LRRC4C: variants seen among roughly 807,000 people sequenced by gnomAD.
LRRC4C encodes the protein leucine rich repeat containing 4C, also known as leucine-rich repeat-containing protein 4C.
Under a neutral mutation model 33.6 loss-of-function variants are expected in LRRC4C, and 5 were observed. The observed-to-expected ratio is 0.15, with a 90% CI of 0.08 to 0.31. LRRC4C has a LOEUF of 0.31. LRRC4C is among the 10% of genes least tolerant of loss of function. The pLI is 1.00. For synonymous variants in LRRC4C, 329 were observed against 302.0 expected (o/e 1.09, Z -0.93); for missense variants, 560 against 796.7 (o/e 0.70, Z 3.58).
At chr11:40,314,288 A>C (rs1038087897) in intron 4 of LRRC4C, among the ~76,000 whole-genome samples, 18 of 152,128 alleles carry the variant, frequency 1.2e-4, no homozygotes, top group Non-Finnish European at 2.6e-4. Context: ...GGCCAAAAAT[A>C]CATGAAAAAA....
intron 1 of LRRC4C, among the ~76,000 whole-genome samples, chr11:41,109,286 C>A (rs1590618792): frequency 1.3e-5 from 2 of 152,116 alleles, no homozygotes; most frequent in Non-Finnish European, 1.5e-5. Flanking sequence ...TGACGGATTT[C>A]AATTGCTAAA....
chr11:40,238,162 G>C (rs1314547279), intron 5 of LRRC4C, among the ~76,000 whole-genome samples: 2 of 152,142 alleles, frequency 1.3e-5, no homozygotes, highest in African/African-American at 4.8e-5. Flanking sequence ...AGATGGGAGT[G>C]ATATCTGCAA....
At chr11:40,764,764 A>T (rs1348622390) in intron 2 of LRRC4C, among the ~76,000 whole-genome samples, 1 of 152,130 alleles carries the variant, frequency 6.6e-6, no homozygotes, top group Non-Finnish European at 1.5e-5. Context: ...GGGGGGGAAC[A>T]TATGGGAAGA....
chr11:40,865,978 G>T (rs1954346332), intron 2 of LRRC4C, among the ~76,000 whole-genome samples: 1 of 151,454 alleles, frequency 6.6e-6, no homozygotes, highest in Admixed American at 6.6e-5. Context: ...GAAATATGAA[G>T]ATTTTATTCT....
intron 4 of LRRC4C, among the ~76,000 whole-genome samples, chr11:40,307,168 C>A (rs926096061): frequency 5.3e-5 from 8 of 152,014 alleles, no homozygotes; most frequent in African/African-American, 1.9e-4. Flanking sequence ...TCCTCACCCC[C>A]CATTATGACA....
intron 1 of LRRC4C, among the ~76,000 whole-genome samples, chr11:41,022,310 A>AG (rs34050527): frequency 0.73 from 110,216 of 151,280 alleles, 40,437 homozygotes; most frequent in South Asian, 0.79. Context: ...TATCTTTAAA[A>AG]AAAGTGAACT....
intron 1 of LRRC4C, among the ~76,000 whole-genome samples, chr11:41,352,454 G>T (rs1452391230): frequency 6.6e-6 from 1 of 152,054 alleles, no homozygotes; most frequent in East Asian, 1.9e-4. Context: ...GTGTTTGACA[G>T]ATCATCAATG....
intron 2 of LRRC4C, among the ~76,000 whole-genome samples, chr11:40,708,169 A>T (rs965597007): frequency 1.3e-5 from 2 of 151,930 alleles, no homozygotes; most frequent in African/African-American, 4.8e-5. Flanking sequence ...CAACTCCTGG[A>T]TTCACTGATT....
At chr11:40,715,702 T>C (rs1564969183) in intron 2 of LRRC4C, among the ~76,000 whole-genome samples, 1 of 152,158 alleles carries the variant, frequency 6.6e-6, no homozygotes, top group Non-Finnish European at 1.5e-5. Context: ...AATACATATA[T>C]TTCAGGAAAC....
chr11:40,685,518 ATT>A (rs1944910184), intron 2 of LRRC4C, among the ~76,000 whole-genome samples: 3 of 151,978 alleles, frequency 2.0e-5, no homozygotes, highest in African/African-American at 7.2e-5. Context: ...AAACAACAAA[ATT>A]TAAAGTAAGA....
intron 1 of LRRC4C, among the ~76,000 whole-genome samples, chr11:41,104,869 A>C (rs114242972): frequency 2.6e-3 from 403 of 152,088 alleles, no homozygotes; most frequent in African/African-American, 9.4e-3. Flanking sequence ...TCATTTACAC[A>C]AAATGTCCAG....
intron 1 of LRRC4C, among the ~76,000 whole-genome samples, chr11:41,160,486 T>A (rs990658783): frequency 6.6e-6 from 1 of 152,096 alleles, no homozygotes; most frequent in Admixed American, 6.6e-5. Context: ...TTCTCAGCAA[T>A]TTGAATTTGA....
intron 2 of LRRC4C, among the ~76,000 whole-genome samples, chr11:40,863,486 T>A (rs1490933179): frequency 6.6e-6 from 1 of 152,206 alleles, no homozygotes; most frequent in Non-Finnish European, 1.5e-5. Flanking sequence ...TGGGTCCTTA[T>A]AACCCTTTTG....
At chr11:40,947,808 T>G (rs1037557638) in intron 1 of LRRC4C, among the ~76,000 whole-genome samples, 3 of 152,070 alleles carry the variant, frequency 2.0e-5, no homozygotes, top group Non-Finnish European at 4.4e-5. Context: ...TCCCAGCTCT[T>G]TGACTGTGTC....
chr11:40,877,811 G>T (rs1197134035), intron 2 of LRRC4C, among the ~76,000 whole-genome samples: 1 of 152,080 alleles, frequency 6.6e-6, no homozygotes, highest in Admixed American at 6.6e-5. Context: ...TTTCATGCAG[G>T]GTGCTTGCTC....
chr11:40,526,973 TGAGCTGAG>T (rs765877538), intron 3 of LRRC4C, among the ~76,000 whole-genome samples: 6 of 152,178 alleles, frequency 3.9e-5, no homozygotes, highest in African/African-American at 7.2e-5. Flanking sequence ...GATGTCTCAA[TGAGCTGAG>T]GACAATAGAA....
chr11:41,208,470 T>C (rs1946688422), intron 1 of LRRC4C, among the ~76,000 whole-genome samples: 1 of 152,232 alleles, frequency 6.6e-6, no homozygotes. Context: ...AGGATGAGGC[T>C]GGACAATTCA....
intron 1 of LRRC4C, among the ~76,000 whole-genome samples, chr11:41,450,654 A>C (rs1955988757): frequency 6.6e-6 from 1 of 152,116 alleles, no homozygotes; most frequent in African/African-American, 2.4e-5. Context: ...TAAAGTTTTT[A>C]ATATATCATC....
intron 3 of LRRC4C, among the ~76,000 whole-genome samples, chr11:40,408,526 T>C (rs2137613022): frequency 6.6e-6 from 1 of 152,006 alleles, no homozygotes; most frequent in South Asian, 2.1e-4. Flanking sequence ...AATATCATAA[T>C]TATTAGAAAA....
Sources: gnomAD v4.1 joint callset for allele counts (sites outside exome capture counted in the v4.1 genomes callset) on GRCh38, gnomAD v4.1.1 for gene constraint, MANE v1.5 for transcripts, NCBI Gene and HGNC (gene_info 2026-07-23, HGNC 2026-07-21) for gene names.